Variants in PTPRM observed in about 807,000 individuals in gnomAD.
PTPRM encodes protein tyrosine phosphatase receptor type M, also known as receptor-type tyrosine-protein phosphatase mu.
In PTPRM, 47 loss-of-function variants were observed where a neutral mutation model predicts 186.7. The ratio of observed to expected loss-of-function variants is 0.25; its 90% CI spans 0.20 to 0.32. PTPRM has a LOEUF of 0.32. PTPRM is among the 10% of genes least tolerant of loss of function. PTPRM has a pLI of 1.00. For missense variants in PTPRM, 1,494 were observed against 1,865.0 expected (o/e 0.80, Z 3.66); for synonymous variants, 668 against 674.9 (o/e 0.99, Z 0.16).
At chr18:8,352,617 C>A (rs1484235742) in intron 23 of PTPRM, among the ~76,000 whole-genome samples, 1 of 138,848 alleles carries the variant, frequency 7.2e-6, no homozygotes, top group Non-Finnish European at 1.6e-5. Context: ...GACATGATTT[C>A]ATTCTTTTTC....
chr18:8,132,027 C>G (rs746065081), intron 13 of PTPRM, among the ~76,000 whole-genome samples: 1 of 152,120 alleles, frequency 6.6e-6, no homozygotes, highest in Admixed American at 6.5e-5. Context: ...ATTGGTGTTG[C>G]TAATGATGCA....
intron 1 of PTPRM, among the ~76,000 whole-genome samples, chr18:7,743,129 A>G (rs1447208076): frequency 2.0e-5 from 3 of 152,210 alleles, no homozygotes; most frequent in African/African-American, 4.8e-5. Flanking sequence ...GTTGTTCTCA[A>G]TAGAAAGGAA....
intron 31 of PTPRM, among the ~76,000 whole-genome samples, chr18:8,393,741 C>G (rs1295060260): frequency 6.6e-6 from 1 of 152,062 alleles, no homozygotes; most frequent in African/African-American, 2.4e-5. Context: ...TAAAAAGAGC[C>G]TCTATGTTTT....
chr18:8,144,213 G>A (rs1600816213), intron 14 of PTPRM, among the ~76,000 whole-genome samples: 1 of 152,174 alleles, frequency 6.6e-6, no homozygotes, highest in South Asian at 2.1e-4. Flanking sequence ...TGTAGGCACC[G>A]TGCTAGGGAA....
chr18:7,634,388 T>G (rs1598585443), intron 1 of PTPRM, among the ~76,000 whole-genome samples: 1 of 152,310 alleles, frequency 6.6e-6, no homozygotes, highest in East Asian at 1.9e-4. Flanking sequence ...GTTCCCTGTC[T>G]TTGGGCCATT....
intron 4 of PTPRM, among the ~76,000 whole-genome samples, chr18:7,908,384 A>T (rs1005011621): frequency 6.6e-6 from 1 of 152,166 alleles, no homozygotes; most frequent in African/African-American, 2.4e-5. Context: ...AAGAATGATT[A>T]TATCTACAAT....
intron 2 of PTPRM, among the ~76,000 whole-genome samples, chr18:7,823,789 T>G (rs2045336234): frequency 6.6e-6 from 1 of 152,226 alleles, no homozygotes; most frequent in East Asian, 1.9e-4. Flanking sequence ...TTTTGGGACT[T>G]GGACTGGCTT....
intron 1 of PTPRM, among the ~76,000 whole-genome samples, chr18:7,597,695 A>G (rs1374346250): frequency 3.9e-5 from 6 of 152,218 alleles, no homozygotes; most frequent in Non-Finnish European, 8.8e-5. Flanking sequence ...TGGAATGTCC[A>G]GTGGGTCTGG....
chr18:7,575,092 T>G (rs2036656433), intron 1 of PTPRM, among the ~76,000 whole-genome samples: 1 of 152,216 alleles, frequency 6.6e-6, no homozygotes, highest in South Asian at 2.1e-4. Flanking sequence ...ACTGACAATG[T>G]GTATCCTAAA....
intron 5 of PTPRM, among the ~76,000 whole-genome samples, chr18:7,934,655 G>A (rs577125960): frequency 1.3e-5 from 2 of 152,220 alleles, no homozygotes; most frequent in African/African-American, 2.4e-5. Context: ...CTATGTGCTA[G>A]TTACTCTGGT....
chr18:7,888,355 C>T lies in PTPRM; in HGVS notation c.446C>T (p.Thr149Ile), dbSNP rs1051958857. 1 of 1,609,794 alleles carries T rather than the reference C, an allele frequency of 6.2e-7. No individual in the cohort carries two copies. Among genetic ancestry groups the T allele is most frequent in the Non-Finnish European group, 8.5e-7 (1 of 1,178,078 alleles). ...AACAGGGCAGAACTGGCCATTAGTA[C>T]TTTCTGGCCTAACTTTTATCAGGTA... ...TWNRAELAIS[T>I]FWPNFYQVIF... is the part of the protein sequence containing the mutation. Residue 149 changes from threonine to isoleucine, a missense_variant, in exon 3 of 33, where the codon ACT becomes ATT. Physicochemically the swap from Thr to Ile is moderately conservative, Grantham distance 89. This residue lies in a region of PTPRM where 296 missense variants were observed against 345.5 expected (regional missense o/e 0.86). Transcript: ENST00000580170.
chr18:7,753,585 C>G (rs574546657), intron 1 of PTPRM, among the ~76,000 whole-genome samples: 1 of 152,242 alleles, frequency 6.6e-6, no homozygotes, highest in South Asian at 2.1e-4. Context: ...TAAGTCAACA[C>G]AACGTAGTAA....
chr18:7,596,619 A>G (rs1209409385), intron 1 of PTPRM, among the ~76,000 whole-genome samples: 1 of 152,150 alleles, frequency 6.6e-6, no homozygotes, highest in Non-Finnish European at 1.5e-5. Context: ...AGGAAAAAAC[A>G]TGGTATATAT....
At chr18:8,354,940 T>C (rs1285706668) in intron 23 of PTPRM, among the ~76,000 whole-genome samples, 1 of 152,172 alleles carries the variant, frequency 6.6e-6, no homozygotes, top group Non-Finnish European at 1.5e-5. Flanking sequence ...GAGTGTGTTT[T>C]TAGTGATAGA....
In PTPRM at chr18:7,664,042, G is replaced by T. The variant is rs377414054; in HGVS notation, c.73+96151G>T. On this transcript the variant is annotated intron_variant, in intron 1 of 32. Transcript: ENST00000580170. ...TCAGCCTCCGTGCTGGATGTGCTTG[G>T]TAGCTAGATTGGGAAAGGGTAAGGG... is the stretch of plus-strand genomic sequence containing the variant. 4.6e-5 allele frequency among the ~76,000 whole-genome samples: 7 copies of T among 152,098 alleles called. No homozygotes were observed. In the East Asian group the frequency reaches 1.2e-3, roughly 25 times the overall value.
chr18:7,761,405 C>CT (rs780561741), intron 1 of PTPRM, among the ~76,000 whole-genome samples: 1 of 152,294 alleles, frequency 6.6e-6, no homozygotes. Context: ...GGCAGACACA[C>CT]TGACTGAGGA....
intron 14 of PTPRM, among the ~76,000 whole-genome samples, chr18:8,211,798 G>C (rs1023927325): frequency 2.0e-5 from 3 of 152,118 alleles, no homozygotes; most frequent in Non-Finnish European, 4.4e-5. Flanking sequence ...GAAGACAGAG[G>C]GGGAGGCATG....
chr18:8,131,674 T>C (rs2092512528), intron 13 of PTPRM, among the ~76,000 whole-genome samples: 2 of 152,244 alleles, frequency 1.3e-5, no homozygotes, highest in Non-Finnish European at 2.9e-5. Flanking sequence ...CTCTATTATA[T>C]GGATTATAGA....
At chr18:7,612,349 T>C (rs2037696722) in intron 1 of PTPRM, among the ~76,000 whole-genome samples, 1 of 152,204 alleles carries the variant, frequency 6.6e-6, no homozygotes, top group African/African-American at 2.4e-5. Context: ...CTTATTCTGC[T>C]TGAGAAATCT....
Sources: gnomAD v4.1 joint callset for allele counts (sites outside exome capture counted in the v4.1 genomes callset) on GRCh38, gnomAD v4.1.1 for gene constraint, gnomAD v4.1.1 regional missense constraint, MANE v1.5 for transcripts, NCBI Gene and HGNC (gene_info 2026-07-23, HGNC 2026-07-21) for gene names.